The following CTDSP2 variants were observed in gnomAD, a reference collection of about 807,000 sequenced individuals.
The protein encoded by CTDSP2 is carboxy-terminal domain RNA polymerase II polypeptide A small phosphatase 2.
Under a neutral mutation model 31.6 loss-of-function variants are expected in CTDSP2, and 9 were observed. The ratio of observed to expected loss-of-function variants is 0.28; its 90% CI spans 0.17 to 0.50. The LOEUF is 0.50. CTDSP2 is among the 20% of genes least tolerant of loss of function. The pLI is 0.98. For synonymous variants in CTDSP2, 134 were observed against 134.5 expected, an observed-to-expected ratio of 1.00 and a Z score of 0.03; for missense variants, 267 against 348.5, an observed-to-expected ratio of 0.77 and a Z score of 1.86.
intron 1 of CTDSP2, among the ~76,000 whole-genome samples, chr12:57,846,018 C>G (rs1331223072): frequency 6.6e-6 from 1 of 152,206 alleles, no homozygotes; most frequent in African/African-American, 2.4e-5. Flanking sequence ...CAGCCGCGCG[C>G]GGCGGTGAAG....
rs1366728088 is a variant in CTDSP2, at chr12:57,822,136, C to G, written c.*1466G>C. The G allele has an allele frequency of 6.6e-6, 1 of 152,486 alleles. No homozygotes were observed. Among genetic ancestry groups the G allele is most frequent in the African/African-American group, 2.4e-5 (1 of 41,412 alleles). 9.4% of individuals were successfully genotyped at this position (152,486 alleles called of 1,614,324 possible). On this transcript the variant is annotated 3_prime_UTR_variant, in exon 8 of 8. Transcript: ENST00000398073. ...GGGAGGGAGGGAGGAGAGAACCCCA[C>G]CCACCCCAGGGAGGCCACGATTAAG... is the stretch of plus-strand genomic sequence containing the variant.
At chr12:57,831,752 C>T (rs987851425) in intron 1 of CTDSP2, among the ~76,000 whole-genome samples, 2 of 152,142 alleles carry the variant, frequency 1.3e-5, no homozygotes, top group African/African-American at 2.4e-5. Context: ...GGAAAAGAAA[C>T]GAAAGCAGAA....
At chr12:57,828,053 G>A (rs896732998) in intron 2 of CTDSP2, among the ~76,000 whole-genome samples, 1 of 152,172 alleles carries the variant, frequency 6.6e-6, no homozygotes, top group Non-Finnish European at 1.5e-5. Flanking sequence ...AAGCCACATT[G>A]TAGGTACCCA....
intron 1 of CTDSP2, among the ~76,000 whole-genome samples, chr12:57,840,312 G>A (rs1956274993): frequency 6.6e-6 from 1 of 152,220 alleles, no homozygotes; most frequent in East Asian, 1.9e-4. Context: ...CAGGGTCTCT[G>A]ACTAACCCAG....
Position 57,823,656 on chromosome 12 carries a change from C to T in CTDSP2, c.762G>A (p.Glu254=), listed in dbSNP as rs200753070. Residue 254 remains glutamate, a synonymous_variant, in exon 8 of 8, where the codon GAG becomes GAA. Transcript: ENST00000398073. ...ELLNLIPIFE[E]LSGAEDVYTS... Reference sequence around the variant, plus strand: ...TGTAGACGTCCTCTGCTCCGCTCAGCTCCTCAAAGATTGGGATCAGGTTCA... The same window carrying T: ...TGTAGACGTCCTCTGCTCCGCTCAGTTCCTCAAAGATTGGGATCAGGTTCA... The T allele has an allele frequency of 1.9e-3, 3,067 of 1,614,114 alleles. 5 individuals are homozygous for T. The highest frequency in any genetic ancestry group is 2.4e-3 in the Non-Finnish European group (2,880 of 1,180,014).
chr12:57,835,305 G>A (rs1383409853), intron 1 of CTDSP2, among the ~76,000 whole-genome samples: 1 of 151,526 alleles, frequency 6.6e-6, no homozygotes, highest in Admixed American at 6.6e-5. Flanking sequence ...TCCAGCCTGG[G>A]CAACAAGAGC....
intron 2 of CTDSP2, among the ~76,000 whole-genome samples, chr12:57,828,074 G>A (rs1013800386): frequency 6.6e-6 from 1 of 152,170 alleles, no homozygotes; most frequent in Non-Finnish European, 1.5e-5. Context: ...AAATGTGAGG[G>A]GAGGGAGTGC....
chr12:57,844,762 G>C (rs2140487021), intron 1 of CTDSP2, among the ~76,000 whole-genome samples: 1 of 152,026 alleles, frequency 6.6e-6, no homozygotes, highest in South Asian at 2.1e-4. Flanking sequence ...CAGGAGAGCA[G>C]AAATCATGGC....
chr12:57,829,734 A>T, intron 1 of CTDSP2, 138 bp from the exon 2 acceptor site: 5 of 635,984 alleles, frequency 7.9e-6, no homozygotes, highest in Non-Finnish European at 1.4e-5. Context: ...AACCACATAC[A>T]GTTAACAGTC....
intron 1 of CTDSP2, among the ~76,000 whole-genome samples, chr12:57,836,507 T>C (rs905218698): frequency 6.6e-6 from 1 of 152,012 alleles, no homozygotes; most frequent in African/African-American, 2.4e-5. Context: ...AAAAAAAAAT[T>C]AGCCAGGTGC....
At chr12:57,839,488 G>T (rs1347430885) in intron 1 of CTDSP2, among the ~76,000 whole-genome samples, 1 of 152,192 alleles carries the variant, frequency 6.6e-6, no homozygotes, top group Non-Finnish European at 1.5e-5. Flanking sequence ...GGAGGCCAAG[G>T]CGGGCGGATC....
chr12:57,836,932 C>T (rs377702988), intron 1 of CTDSP2, among the ~76,000 whole-genome samples: 19 of 152,310 alleles, frequency 1.2e-4, no homozygotes, highest in African/African-American at 4.3e-4. Flanking sequence ...TTCCCCACCA[C>T]CTCCCATCCC....
chr12:57,838,437 A>C (rs553275467), intron 1 of CTDSP2, among the ~76,000 whole-genome samples: 64 of 152,256 alleles, frequency 4.2e-4, no homozygotes, highest in Non-Finnish European at 6.6e-4. Context: ...CCTTCCCCCT[A>C]AGGAGGTGTA....
At chr12:57,842,159 G>A (rs989842355) in intron 1 of CTDSP2, 2 of 152,108 alleles carry the variant, frequency 1.3e-5, no homozygotes, top group Admixed American at 6.5e-5. Context: ...TGGAAGGGAA[G>A]CTATGTATTG....
At chr12:57,827,142 C>A in intron 3 of CTDSP2, 45 bp from the exon 4 acceptor site, 1 of 1,358,660 alleles carries the variant, frequency 7.4e-7, no homozygotes. Context: ...CAAGAAAGCC[C>A]AATTGTACCC....
rs1223068444 is a variant in CTDSP2, at chr12:57,846,621, G to A, written c.-186C>T. The A allele has an allele frequency of 4.1e-6, 2 of 490,286 alleles. No homozygotes were observed. The highest frequency in any genetic ancestry group is 6.9e-6 in the Non-Finnish European group (2 of 290,370). 30.4% of individuals were successfully genotyped at this position (490,286 alleles called of 1,614,324 possible). A position where few individuals can be genotyped will look rare whatever the true frequency, so the allele number is the denominator to read the frequency against. ...GGGAGGCGGCCTGTACAAAGGGCGG[G>A]CGGCCCGGGCAGCGGCTCCCCCGGG... On this transcript the variant is annotated 5_prime_UTR_variant, in exon 1 of 8. Transcript: ENST00000398073.
intron 1 of CTDSP2, among the ~76,000 whole-genome samples, chr12:57,841,449 C>T (rs1278752828): frequency 2.6e-5 from 4 of 152,210 alleles, no homozygotes; most frequent in African/African-American, 7.2e-5. Flanking sequence ...CCTGAATATT[C>T]GTTATATCCA....
intron 1 of CTDSP2, among the ~76,000 whole-genome samples, chr12:57,840,084 G>C (rs746585701): frequency 6.6e-6 from 1 of 151,820 alleles, no homozygotes; most frequent in Admixed American, 6.6e-5. Context: ...TTTCCTGCTC[G>C]GGGCAAAACA....
At chr12:57,839,479 G>A (rs1206432378) in intron 1 of CTDSP2, among the ~76,000 whole-genome samples, 1 of 152,234 alleles carries the variant, frequency 6.6e-6, no homozygotes, top group Non-Finnish European at 1.5e-5. Context: ...AGCACTTTGG[G>A]AGGCCAAGGC....
Sources: gnomAD v4.1 joint callset for allele counts (sites outside exome capture counted in the v4.1 genomes callset) on GRCh38, gnomAD v4.1.1 for gene constraint, MANE v1.5 for transcripts, NCBI Gene and HGNC (gene_info 2026-07-23, HGNC 2026-07-21) for gene names.